The following PCBD2 variants were observed in gnomAD, a reference collection of about 807,000 sequenced individuals.
The protein encoded by PCBD2 is pterin-4-alpha-carbinolamine dehydratase 2.
PCBD2 carries 12 observed loss-of-function variants against 16.4 expected under a neutral mutation model. The ratio of observed to expected loss-of-function variants is 0.73; its 90% confidence interval spans 0.47 to 1.19. The LOEUF (loss-of-function observed/expected upper bound fraction) is 1.19. PCBD2 is among the 50% of genes most tolerant of loss of function. The pLI, the probability that PCBD2 is intolerant of heterozygous loss-of-function variation, is 0.00. For missense variants in PCBD2, 138 were observed against 156.8 expected (o/e 0.88, Z 0.64); for synonymous variants, 58 against 61.8 (o/e 0.94, Z 0.29).
chr5:134,934,445 C>G (rs1029833623), intron 2 of PCBD2, among the ~76,000 whole-genome samples: 1 of 152,040 alleles, frequency 6.6e-6, no homozygotes, highest in Admixed American at 6.6e-5. Context: ...CTAATCAGGT[C>G]GTGTGCTTGG....
intron 3 of PCBD2, among the ~76,000 whole-genome samples, chr5:134,959,355 G>A (rs185525881): frequency 1.1e-4 from 16 of 152,174 alleles, no homozygotes; most frequent in South Asian, 2.1e-4. Context: ...ATATGAGAAA[G>A]TTGGGCCAAA....
intron 1 of PCBD2, among the ~76,000 whole-genome samples, chr5:134,908,101 T>C (rs1044222270): frequency 7.2e-5 from 11 of 151,812 alleles, no homozygotes; most frequent in Non-Finnish European, 8.8e-5. Context: ...TAAAATTTTT[T>C]TGTAGAGACG....
At chr5:134,956,889 G>C (rs557488217) in intron 2 of PCBD2, among the ~76,000 whole-genome samples, 3 of 152,302 alleles carry the variant, frequency 2.0e-5, no homozygotes, top group South Asian at 4.1e-4. Context: ...GCTGTGCTAA[G>C]TACCTTTATA....
intron 2 of PCBD2, chr5:134,927,437 T>C (rs970077506): frequency 6.3e-5 from 25 of 398,198 alleles, no homozygotes; most frequent in Non-Finnish European, 1.0e-4. Context: ...TAAAAGCTAT[T>C]GTGTACGCTA....
intron 2 of PCBD2, among the ~76,000 whole-genome samples, chr5:134,922,505 T>A (rs1278415578): frequency 1.3e-5 from 2 of 152,170 alleles, no homozygotes; most frequent in African/African-American, 2.4e-5. Flanking sequence ...ACACTTACTG[T>A]AGGCTAGACA....
chr5:134,922,717 CAGTGGCGTGA>C (rs1750919621), intron 2 of PCBD2, among the ~76,000 whole-genome samples: 1 of 149,676 alleles, frequency 6.7e-6, no homozygotes, highest in African/African-American at 2.5e-5. Context: ...GGCTGGAGTG[CAGTGGCGTGA>C]TCTGGGCTCA....
intron 2 of PCBD2, among the ~76,000 whole-genome samples, chr5:134,929,082 G>A (rs572280953): frequency 6.6e-6 from 1 of 152,304 alleles, no homozygotes; most frequent in African/African-American, 2.4e-5. Flanking sequence ...TAATAGATGA[G>A]ATGACTCAAG....
intron 2 of PCBD2, among the ~76,000 whole-genome samples, chr5:134,929,971 G>C (rs532149609): frequency 1.3e-5 from 2 of 152,278 alleles, no homozygotes; most frequent in African/African-American, 4.8e-5. Context: ...TGGGATTACA[G>C]GCATGAGCCA....
chr5:134,954,805 G>A (rs552265751), intron 2 of PCBD2, among the ~76,000 whole-genome samples: 71 of 151,720 alleles, frequency 4.7e-4, no homozygotes, highest in African/African-American at 1.5e-3. Flanking sequence ...GCAGTGGTGC[G>A]ATCTTGGCTC....
intron 2 of PCBD2, among the ~76,000 whole-genome samples, chr5:134,942,360 A>G (rs1751240156): frequency 6.6e-6 from 1 of 152,128 alleles, no homozygotes; most frequent in Admixed American, 6.6e-5. Context: ...TCAGAGCCTC[A>G]GTTCTCTTCT....
In PCBD2 at chr5:134,950,923, C is replaced by G. The variant is rs900692211; in HGVS notation, c.217-8117C>G. On this transcript the variant is annotated intron_variant, in intron 2 of 3. Coordinates refer to ENST00000254908, the MANE Select transcript of PCBD2 (RefSeq NM_032151.5). Reference sequence around the variant, plus strand: ...AATTGGCACTAAAAACCCACCTAAACAGGTAGGCATATGTTAAGAAGTTAA... The same window carrying G: ...AATTGGCACTAAAAACCCACCTAAAGAGGTAGGCATATGTTAAGAAGTTAA... Among the ~76,000 whole-genome samples the G allele has an allele frequency of 7.9e-5, 12 of 152,268 alleles. No homozygotes were observed. In the East Asian group the frequency reaches 1.9e-3, roughly 24 times the overall value.
At chr5:134,926,969 G>A (rs78938134) in intron 2 of PCBD2, 1 of 398,454 alleles carries the variant, frequency 2.5e-6, no homozygotes, top group Non-Finnish European at 4.4e-6. Flanking sequence ...GTCATCAAAA[G>A]GCTATTAGTG....
At chr5:134,926,324 T>C (rs1224004453) in intron 2 of PCBD2, 2 of 364,364 alleles carry the variant, frequency 5.5e-6, no homozygotes, top group Non-Finnish European at 9.8e-6. Context: ...AAGAGACTAA[T>C]AACAAGGGTG....
chr5:134,905,507 A>G (rs1283821619), intron 1 of PCBD2: 4 of 322,948 alleles, frequency 1.2e-5, no homozygotes, highest in Admixed American at 9.9e-5. Flanking sequence ...TTGTTCAGCA[A>G]CTACAAAAGG....
intron 2 of PCBD2, among the ~76,000 whole-genome samples, chr5:134,911,804 C>A (rs929235988): frequency 2.6e-5 from 4 of 152,264 alleles, no homozygotes; most frequent in Admixed American, 2.6e-4. Context: ...CAAGCAGACT[C>A]CCTGTCCCCG....
At chr5:134,940,331 TCTC>T (rs1751210876) in intron 2 of PCBD2, among the ~76,000 whole-genome samples, 1 of 152,200 alleles carries the variant, frequency 6.6e-6, no homozygotes. Context: ...ACCCTGTTGG[TCTC>T]CTGAGGCCTG....
At chr5:134,905,352 T>A in intron 1 of PCBD2, 129 bp downstream of exon 1, 1 of 819,042 alleles carries the variant, frequency 1.2e-6, no homozygotes, top group Non-Finnish European at 1.6e-6. Context: ...AGCTCGGGCG[T>A]CGGGTCACCG....
At chr5:134,946,841 T>G (rs1489257427) in intron 2 of PCBD2, among the ~76,000 whole-genome samples, 1 of 152,170 alleles carries the variant, frequency 6.6e-6, no homozygotes, top group African/African-American at 2.4e-5. Context: ...CCCTTTTGGT[T>G]GTTATTGTAG....
chr5:134,910,372 A>G lies in PCBD2; in HGVS notation c.122A>G (p.Asn41Ser). The G allele has an allele frequency of 6.2e-7, 1 of 1,614,038 alleles. No individual in the cohort carries two copies. The highest frequency in any genetic ancestry group is 8.5e-7 in the Non-Finnish European group (1 of 1,179,896). The change falls in exon 2 of 4, where the codon AAC becomes AGC. Residue 41 changes from asparagine (N) to serine (S), a missense_variant. Asn to Ser is a conservative substitution (Grantham distance 46). Coordinates refer to ENST00000254908, the MANE Select transcript of PCBD2 (RefSeq NM_032151.5). ...CACAGGTTGACTGCAGAGGAGAGGA[A>G]CCAAGCTATACTTGACCTTAAAGCA... ...GTHRLTAEERNQAILDLKAAG... is the reference protein window; with the variant it reads ...GTHRLTAEERSQAILDLKAAG...
Sources: gnomAD v4.1 joint callset for allele counts (sites outside exome capture counted in the v4.1 genomes callset) on GRCh38, gnomAD v4.1.1 for gene constraint, MANE v1.5 for transcripts, NCBI Gene and HGNC (gene_info 2026-07-23, HGNC 2026-07-21) for gene names.